ARL15: variants seen among roughly 807,000 people sequenced by gnomAD.
ARL15 encodes ARF like GTPase 15, also known as ADP-ribosylation factor-like protein 15.
A neutral mutation model predicts 25.2 loss-of-function variants in ARL15; 19 were observed. The observed-to-expected ratio is 0.75, with a 90% confidence interval of 0.53 to 1.10. The LOEUF (loss-of-function observed/expected upper bound fraction) is 1.10, where lower values mean the gene tolerates loss of function less well. Among genes scored for constraint, ARL15 ranks in the 50% least tolerant of loss-of-function variants. ARL15 has a pLI of 0.00. For missense variants in ARL15, 220 were observed against 246.0 expected (o/e 0.89, Z 0.71); for synonymous variants, 94 against 86.8 (o/e 1.08, Z -0.46).
At chr5:54,232,001 G>A (rs1422096098) in intron 1 of ARL15, among the ~76,000 whole-genome samples, 3 of 152,054 alleles carry the variant, frequency 2.0e-5, no homozygotes, top group South Asian at 2.1e-4. Flanking sequence ...TCTACGCTGC[G>A]GCCACACTGA....
rs1050844775 is a variant in ARL15, at chr5:54,281,173, C to G, written c.48+29259G>C. 8.5e-5 allele frequency among the ~76,000 whole-genome samples: 13 copies of G among 152,174 alleles called. No homozygotes were observed. In the East Asian group the frequency reaches 2.5e-3, roughly 29 times the overall value. On this transcript the variant is annotated intron_variant, in intron 1 of 4. Transcript: ENST00000504924. ...TTTGTTTTTGAGACCGAGTTTCGCT[C>G]TTGTCACCCAAGCTGGAGTGCAGTG...
intron 4 of ARL15, among the ~76,000 whole-genome samples, chr5:54,097,812 C>T (rs1316801432): frequency 1.3e-5 from 2 of 152,178 alleles, no homozygotes; most frequent in Non-Finnish European, 2.9e-5. Flanking sequence ...AATTAACGTT[C>T]TGATTGTACT....
At chr5:54,207,413 C>G (rs557202594) in intron 1 of ARL15, among the ~76,000 whole-genome samples, 77 of 152,282 alleles carry the variant, frequency 5.1e-4, no homozygotes, top group African/African-American at 1.7e-3. Context: ...TATTCCTGCT[C>G]TACAGAATTG....
At chr5:54,003,102 G>A (rs1748900523) in intron 4 of ARL15, among the ~76,000 whole-genome samples, 1 of 152,114 alleles carries the variant, frequency 6.6e-6, no homozygotes, top group South Asian at 2.1e-4. Flanking sequence ...GAAGGGCATG[G>A]GCTTCAAAAT....
intron 1 of ARL15, among the ~76,000 whole-genome samples, chr5:54,266,707 C>A (rs2112634362): frequency 6.6e-6 from 1 of 152,244 alleles, no homozygotes; most frequent in African/African-American, 2.4e-5. Context: ...ATCTAAAGAA[C>A]AAAGTATCTT....
At chr5:54,118,769 G>C (rs1425531198) in intron 3 of ARL15, among the ~76,000 whole-genome samples, 1 of 152,148 alleles carries the variant, frequency 6.6e-6, no homozygotes, top group East Asian at 1.9e-4. Flanking sequence ...CCAGTGATCA[G>C]ATACTTGAAG....
At chr5:53,947,167 G>GGTGTGTGT (rs3222349) in intron 4 of ARL15, among the ~76,000 whole-genome samples, 1,279 of 123,618 alleles carry the variant, frequency 0.01, 15 homozygotes, top group Middle Eastern at 0.018. Context: ...AATAAATAAG[G>GGTGTGTGT]GTGTGTGTGT....
intron 4 of ARL15, among the ~76,000 whole-genome samples, chr5:54,112,213 A>C (rs1338384978): frequency 1.3e-5 from 2 of 152,216 alleles, no homozygotes; most frequent in African/African-American, 4.8e-5. Context: ...TAAATTATCC[A>C]AATTAATCCT....
At chr5:54,017,742 C>T (rs1024645114) in intron 4 of ARL15, among the ~76,000 whole-genome samples, 6 of 152,070 alleles carry the variant, frequency 3.9e-5, no homozygotes, top group African/African-American at 1.4e-4. Flanking sequence ...CCTCCTTTTC[C>T]TTCCCATTCC....
intron 1 of ARL15, among the ~76,000 whole-genome samples, chr5:54,295,092 T>TGTGTTC (rs1758432445): frequency 6.6e-6 from 1 of 152,238 alleles, no homozygotes; most frequent in Admixed American, 6.5e-5. Flanking sequence ...AGCAACTTGT[T>TGTGTTC]TCATTATACT....
At chr5:53,921,060 G>T (rs2112017375) in intron 4 of ARL15, among the ~76,000 whole-genome samples, 1 of 152,278 alleles carries the variant, frequency 6.6e-6, no homozygotes, top group East Asian at 1.9e-4. Context: ...TGACCATATT[G>T]CACTGTGAGG....
intron 4 of ARL15, among the ~76,000 whole-genome samples, chr5:54,057,872 A>C (rs1750927181): frequency 6.6e-6 from 1 of 152,162 alleles, no homozygotes; most frequent in African/African-American, 2.4e-5. Context: ...GAATAAAGTA[A>C]AACACAGTAT....
At chr5:54,017,630 A>G (rs1205159826) in intron 4 of ARL15, among the ~76,000 whole-genome samples, 1 of 151,868 alleles carries the variant, frequency 6.6e-6, no homozygotes, top group Non-Finnish European at 1.5e-5. Context: ...AGCAACAACA[A>G]CAACAACAAC....
At chr5:53,898,899 C>T (rs1282257797) in intron 4 of ARL15, among the ~76,000 whole-genome samples, 2 of 152,116 alleles carry the variant, frequency 1.3e-5, no homozygotes, top group Non-Finnish European at 2.9e-5. Flanking sequence ...AGCAATCCTC[C>T]TCTCTTGGCC....
At chr5:54,243,459 C>T (rs1398616715) in intron 1 of ARL15, among the ~76,000 whole-genome samples, 1 of 152,124 alleles carries the variant, frequency 6.6e-6, no homozygotes, top group Admixed American at 6.5e-5. Flanking sequence ...AGTTGAAATC[C>T]CCCCCTCCAA....
intron 3 of ARL15, among the ~76,000 whole-genome samples, chr5:54,147,061 G>T (rs1345567900): frequency 6.6e-6 from 1 of 152,148 alleles, no homozygotes; most frequent in African/African-American, 2.4e-5. Flanking sequence ...AACCAATTCA[G>T]ATAGCTGTGG....
chr5:54,284,973 T>A (rs1758150024), intron 1 of ARL15, among the ~76,000 whole-genome samples: 1 of 152,216 alleles, frequency 6.6e-6, no homozygotes, highest in African/African-American at 2.4e-5. Context: ...TATTTCCCTA[T>A]ATAGATGCTA....
chr5:54,163,355 GCTTTTTTTTTT>G lies in ARL15; in HGVS notation c.193+8418_193+8428del, dbSNP rs1485249925. ...TGTCCATGAGGGCTATTGGTATGAAGCTTTTTTTTTTTTTTTTTTTTTTTTTTTTTTTTTTT... is the reference window on the plus strand; with the variant it reads ...TGTCCATGAGGGCTATTGGTATGAAGTTTTTTTTTTTTTTTTTTTTTTTTT... On this transcript the variant is annotated intron_variant, in intron 2 of 4. Transcript: ENST00000504924. 5.0e-3 allele frequency among the ~76,000 whole-genome samples: 258 copies of G among 51,330 alleles called. 24 individuals carry two copies. Among genetic ancestry groups the G allele is most frequent in the East Asian group, 8.4e-3 (9 of 1,074 alleles). The allele number at this position is 51,330 out of a possible 152,430, so 33.7% of individuals were successfully genotyped here.
intron 4 of ARL15, among the ~76,000 whole-genome samples, chr5:54,106,252 T>A (rs1752586785): frequency 6.6e-6 from 1 of 152,190 alleles, no homozygotes; most frequent in Non-Finnish European, 1.5e-5. Flanking sequence ...TAAGCAATAT[T>A]AACAGGTCAG....
Sources: gnomAD v4.1 joint callset for allele counts (sites outside exome capture counted in the v4.1 genomes callset) on GRCh38, gnomAD v4.1.1 for gene constraint, MANE v1.5 for transcripts, NCBI Gene and HGNC (gene_info 2026-07-23, HGNC 2026-07-21) for gene names.